LRMDA: variants seen among roughly 807,000 people sequenced by gnomAD.
The protein encoded by LRMDA is leucine rich melanocyte differentiation associated, also known as leucine-rich melanocyte differentiation-associated protein.
LRMDA carries 18 observed loss-of-function variants against 29.8 expected under a neutral mutation model. That is an observed-to-expected ratio of 0.60 (90% CI 0.42 to 0.90). The LOEUF is 0.90. Ranked by LOEUF, LRMDA falls within the 40% of genes least tolerant of loss-of-function variation. The pLI is 0.00. For synonymous variants in LRMDA, 125 were observed against 109.4 expected (o/e 1.14, Z -0.89); for missense variants, 273 against 273.9 (o/e 1.00, Z 0.02).
chr10:76,459,460 C>T (rs554398582), intron 6 of LRMDA, among the ~76,000 whole-genome samples: 2 of 152,232 alleles, frequency 1.3e-5, no homozygotes, highest in East Asian at 1.9e-4. Flanking sequence ...GTTAATAAGC[C>T]CAGGATTTTG....
rs1173622243 is a variant in LRMDA, at chr10:76,500,989, A to G, written c.602-56220A>G. On this transcript the variant is annotated intron_variant, in intron 6 of 6. Transcript: ENST00000611255. ...ATCCCATCATGTAGGTAGTGAGCAT[A>G]GTACCTAAGAGGTAGTTTTTCAGCC... Among the ~76,000 whole-genome samples, 3 of 74,202 alleles carry G rather than the reference A, an allele frequency of 4.0e-5. 1 individual carries two copies. Among genetic ancestry groups the G allele is most frequent in the African/African-American group, 9.9e-5 (3 of 30,446 alleles). 48.7% of individuals were successfully genotyped at this position (74,202 alleles called of 152,430 possible).
intron 5 of LRMDA, among the ~76,000 whole-genome samples, chr10:76,244,328 A>G (rs186925133): frequency 6.8e-4 from 104 of 152,120 alleles, no homozygotes; most frequent in Non-Finnish European, 1.2e-3. Flanking sequence ...ATTTTCCTAC[A>G]TGATGTTTCA....
intron 2 of LRMDA, among the ~76,000 whole-genome samples, chr10:75,851,261 T>C (rs1372564295): frequency 1.3e-5 from 2 of 152,224 alleles, no homozygotes; most frequent in African/African-American, 4.8e-5. Context: ...TACGATAATA[T>C]AGATGCTTAA....
At chr10:76,094,792 A>G (rs1453519018) in intron 5 of LRMDA, among the ~76,000 whole-genome samples, 7 of 152,164 alleles carry the variant, frequency 4.6e-5, no homozygotes, top group African/African-American at 1.7e-4. Flanking sequence ...CTACTATTAA[A>G]ATCATTCCAT....
intron 6 of LRMDA, among the ~76,000 whole-genome samples, chr10:76,435,939 T>C (rs1263119019): frequency 6.6e-6 from 1 of 152,040 alleles, no homozygotes; most frequent in Non-Finnish European, 1.5e-5. Context: ...ATTGTGAGGG[T>C]TAGGGAGAAA....
chr10:76,402,913 GGAATGTGT>G (rs1841864391), intron 6 of LRMDA, among the ~76,000 whole-genome samples: 1 of 152,100 alleles, frequency 6.6e-6, no homozygotes, highest in Admixed American at 6.5e-5. Context: ...GGTGGGCCAA[GGAATGTGT>G]AGTTCCTAGG....
chr10:76,515,677 T>G (rs974870482), intron 6 of LRMDA, among the ~76,000 whole-genome samples: 1 of 152,116 alleles, frequency 6.6e-6, no homozygotes, highest in African/African-American at 2.4e-5. Flanking sequence ...AGCAAATTTT[T>G]GTATTTTTTG....
intron 2 of LRMDA, among the ~76,000 whole-genome samples, chr10:76,030,392 G>A (rs376736657): frequency 3.2e-4 from 48 of 151,878 alleles, no homozygotes; most frequent in African/African-American, 4.6e-4. Flanking sequence ...AATATATGTC[G>A]TAATATATAG....
At chr10:75,442,455 G>C (rs1218202411) in intron 2 of LRMDA, among the ~76,000 whole-genome samples, 1 of 152,186 alleles carries the variant, frequency 6.6e-6, no homozygotes, top group Non-Finnish European at 1.5e-5. Context: ...TAAGAGATCA[G>C]TTTTTTCTTC....
intron 5 of LRMDA, among the ~76,000 whole-genome samples, chr10:76,089,510 T>C (rs769348731): frequency 6.6e-6 from 1 of 152,182 alleles, no homozygotes; most frequent in Non-Finnish European, 1.5e-5. Context: ...GTATGCAGGC[T>C]TGGAATCATG....
intron 5 of LRMDA, among the ~76,000 whole-genome samples, chr10:76,146,284 A>G (rs1850319068): frequency 6.6e-6 from 1 of 151,888 alleles, no homozygotes; most frequent in African/African-American, 2.4e-5. Flanking sequence ...TAATGTTGAC[A>G]GTGGGGTGTT....
At chr10:76,144,815 T>C (rs998763440) in intron 5 of LRMDA, among the ~76,000 whole-genome samples, 1 of 152,164 alleles carries the variant, frequency 6.6e-6, no homozygotes, top group Non-Finnish European at 1.5e-5. Flanking sequence ...TTCAGTATGA[T>C]ATTGGCTGTG....
chr10:76,218,020 C>A (rs1239061707), intron 5 of LRMDA, among the ~76,000 whole-genome samples: 1 of 152,210 alleles, frequency 6.6e-6, no homozygotes, highest in Non-Finnish European at 1.5e-5. Flanking sequence ...TTGTGACCTT[C>A]CCTTCTCCCT....
intron 2 of LRMDA, among the ~76,000 whole-genome samples, chr10:75,556,456 A>G (rs559298698): frequency 5.6e-4 from 86 of 152,334 alleles, no homozygotes; most frequent in Admixed American, 1.6e-3. Context: ...TTCATGTAGA[A>G]GAAAACTAAG....
intron 3 of LRMDA, among the ~76,000 whole-genome samples, chr10:76,039,811 A>C (rs990480630): frequency 1.6e-4 from 25 of 152,226 alleles, no homozygotes; most frequent in Admixed American, 7.9e-4. Context: ...TATCTCAGAC[A>C]TATTAGATTC....
At chr10:75,521,325 TAG>T (rs1347449839) in intron 2 of LRMDA, among the ~76,000 whole-genome samples, 2 of 152,246 alleles carry the variant, frequency 1.3e-5, no homozygotes, top group Non-Finnish European at 2.9e-5. Context: ...GTGGAGTCTA[TAG>T]AGGCAGTAGG....
rs2132130465 is a variant in LRMDA, at chr10:75,656,024, C to G, written c.131+217530C>G. Among the ~76,000 whole-genome samples the G allele has an allele frequency of 1.3e-5, 2 of 152,284 alleles. 1 individual carries two copies. The highest frequency in any genetic ancestry group is 4.1e-4 in the South Asian group (2 of 4,824). ...TCTGCTGATCCCGTCTTGGTTGCCT[C>G]ATTTCTTCCATTAGCTGTGAATTTT... On this transcript the variant is annotated intron_variant, in intron 2 of 6. Transcript: ENST00000611255.
chr10:75,709,913 A>G (rs1842416012), intron 2 of LRMDA, among the ~76,000 whole-genome samples: 1 of 152,116 alleles, frequency 6.6e-6, no homozygotes, highest in East Asian at 1.9e-4. Context: ...AGAAGTAGGG[A>G]ATTTGCTTAG....
chr10:76,235,057 T>G (rs1462623226), intron 5 of LRMDA, among the ~76,000 whole-genome samples: 3 of 152,230 alleles, frequency 2.0e-5, no homozygotes, highest in Admixed American at 2.0e-4. Flanking sequence ...CTCACTAAGC[T>G]TAATCATTTC....
Sources: allele counts gnomAD v4.1 joint callset (sites outside exome capture counted in the v4.1 genomes callset), GRCh38; gene constraint gnomAD v4.1.1; transcripts MANE v1.5; gene names NCBI Gene and HGNC (gene_info 2026-07-23, HGNC 2026-07-21).